The following TBXAS1 variants were observed in gnomAD, a reference collection of about 807,000 sequenced individuals.
TBXAS1 encodes thromboxane-A synthase.
A neutral mutation model predicts 60.7 loss-of-function variants in TBXAS1; 48 were observed. That is an observed-to-expected ratio of 0.79 (90% confidence interval 0.63 to 1.01). TBXAS1 has a LOEUF of 1.01. TBXAS1 is among the 50% of genes least tolerant of loss of function. TBXAS1 has a pLI of 0.00. For synonymous variants in TBXAS1, 287 were observed against 269.7 expected (o/e 1.06, Z -0.63); for missense variants, 685 against 686.3 (o/e 1.00, Z 0.02).
intron 1 of TBXAS1, 123 bp from the exon 2 acceptor site, chr7:139,872,112 G>A: frequency 1.0e-6 from 1 of 999,930 alleles, no homozygotes; most frequent in Non-Finnish European, 1.5e-6. Flanking sequence ...CTTAGATGTG[G>A]TGACTGGAAA....
intron 9 of TBXAS1, among the ~76,000 whole-genome samples, chr7:139,985,035 G>C (rs1243628726): frequency 1.3e-5 from 2 of 152,176 alleles, no homozygotes; most frequent in African/African-American, 2.4e-5. Flanking sequence ...AGCAACTAAG[G>C]CTCAAATGCC....
intron 10 of TBXAS1, 80 bp from the exon 11 acceptor site, chr7:140,015,643 G>A: frequency 6.5e-7 from 1 of 1,536,942 alleles, no homozygotes; most frequent in Non-Finnish European, 8.9e-7. Flanking sequence ...TTCACACTCA[G>A]ACTCTGCCTG....
intron 3 of TBXAS1, among the ~76,000 whole-genome samples, chr7:139,902,295 G>C (rs1470796615): frequency 6.6e-6 from 1 of 151,780 alleles, no homozygotes; most frequent in Non-Finnish European, 1.5e-5. Flanking sequence ...CTAACCCCTG[G>C]CAACCACTAA....
intron 9 of TBXAS1, among the ~76,000 whole-genome samples, chr7:139,973,088 A>G (rs576448334): frequency 1.3e-5 from 2 of 152,096 alleles, no homozygotes; most frequent in East Asian, 3.9e-4. Context: ...TAGTCCTACA[A>G]TTGCAGTGCA....
chr7:139,819,159 C>CAA (rs1798228793), intron 4 of TBXAS1, among the ~76,000 whole-genome samples: 1 of 152,230 alleles, frequency 6.6e-6, no homozygotes, highest in Admixed American at 6.5e-5. Context: ...CATTTCTCAG[C>CAA]CTCCTTTGCA....
intron 1 of TBXAS1, among the ~76,000 whole-genome samples, chr7:139,867,785 C>T (rs1438214683): frequency 6.6e-6 from 1 of 151,598 alleles, no homozygotes. Context: ...CCACTGCACT[C>T]CAGCCTGGGT....
chr7:139,787,306 C>T (rs1797230640), intron 3 of TBXAS1: 1 of 152,186 alleles, frequency 6.6e-6, no homozygotes, highest in Non-Finnish European at 1.5e-5. Context: ...CTTTCAGAAG[C>T]TGCTGATTGG....
intron 1 of TBXAS1, among the ~76,000 whole-genome samples, chr7:139,849,586 C>T (rs41707): frequency 0.45 from 67,806 of 151,690 alleles, 16,799 homozygotes; most frequent in Non-Finnish European, 0.57. Flanking sequence ...AACCTGGGGA[C>T]GTACCTAGGA....
chr7:140,019,794 C>G (rs1366720010), intron 12 of TBXAS1, among the ~76,000 whole-genome samples: 1 of 152,216 alleles, frequency 6.6e-6, no homozygotes, highest in African/African-American at 2.4e-5. Flanking sequence ...TTCCCCAGAG[C>G]CCCTGGGCCA....
intron 1 of TBXAS1, among the ~76,000 whole-genome samples, chr7:139,862,117 A>T (rs1338713314): frequency 1.3e-5 from 2 of 152,216 alleles, no homozygotes; most frequent in Non-Finnish European, 2.9e-5. Flanking sequence ...ATTTAGATTA[A>T]CTGTAAAATG....
chr7:139,877,211 A>G (rs1802306993), intron 3 of TBXAS1, among the ~76,000 whole-genome samples: 1 of 152,174 alleles, frequency 6.6e-6, no homozygotes, highest in Non-Finnish European at 1.5e-5. Flanking sequence ...CGGGGAGGCA[A>G]GGCGTGTCTT....
intron 9 of TBXAS1, among the ~76,000 whole-genome samples, chr7:139,968,809 C>T (rs1304682949): frequency 2.0e-5 from 3 of 152,154 alleles, no homozygotes; most frequent in Admixed American, 6.5e-5. Flanking sequence ...GGAGGTAGTA[C>T]GTTCAGTAAA....
chr7:139,885,419 T>C (rs764268801), intron 3 of TBXAS1, among the ~76,000 whole-genome samples: 9 of 152,226 alleles, frequency 5.9e-5, no homozygotes, highest in Non-Finnish European at 1.2e-4. Context: ...TAATAGAGTA[T>C]GTAAAACAGT....
At chr7:139,947,956 C>A (rs1285033233) in intron 5 of TBXAS1, among the ~76,000 whole-genome samples, 1 of 152,094 alleles carries the variant, frequency 6.6e-6, no homozygotes, top group African/African-American at 2.4e-5. Context: ...CCTCCACCTC[C>A]CAAGTTCAAG....
At chr7:139,915,785 T>C (rs1334306891) in intron 4 of TBXAS1, among the ~76,000 whole-genome samples, 3 of 152,234 alleles carry the variant, frequency 2.0e-5, no homozygotes, top group Non-Finnish European at 4.4e-5. Flanking sequence ...AAATATTCTT[T>C]TCCAAACTCC....
At chr7:139,923,531 T>C (rs1327245140) in intron 4 of TBXAS1, among the ~76,000 whole-genome samples, 1 of 151,538 alleles carries the variant, frequency 6.6e-6, no homozygotes, top group African/African-American at 2.4e-5. Context: ...GTATCATGCA[T>C]GCATGATACA....
At chr7:139,894,617 T>C (rs1418060105) in intron 3 of TBXAS1, among the ~76,000 whole-genome samples, 1 of 152,228 alleles carries the variant, frequency 6.6e-6, no homozygotes, top group African/African-American at 2.4e-5. Context: ...TTCACCATCC[T>C]GTAACTCGAA....
intron 9 of TBXAS1, among the ~76,000 whole-genome samples, chr7:139,978,308 G>A (rs548807218): frequency 6.6e-6 from 1 of 151,848 alleles, no homozygotes; most frequent in East Asian, 2.0e-4. Flanking sequence ...CCAGGAGTTC[G>A]AGATCAGCCT....
chr7:139,877,661 G>A (rs868738689), intron 3 of TBXAS1, among the ~76,000 whole-genome samples: 1 of 151,048 alleles, frequency 6.6e-6, no homozygotes, highest in Non-Finnish European at 1.5e-5. Flanking sequence ...GACCTCAAGT[G>A]ATCCACCCAT....
Sources: allele counts gnomAD v4.1 joint callset (sites outside exome capture counted in the v4.1 genomes callset), GRCh38; gene constraint gnomAD v4.1.1; transcripts MANE v1.5; gene names NCBI Gene and HGNC (gene_info 2026-07-23, HGNC 2026-07-21).